DLG2: variants seen among roughly 807,000 people sequenced by gnomAD.
The protein encoded by DLG2 is discs large MAGUK scaffold protein 2.
DLG2 carries 45 observed loss-of-function variants against 132.5 expected under a neutral mutation model. That is an observed-to-expected ratio of 0.34 (90% CI 0.27 to 0.44). DLG2 has a LOEUF of 0.44. DLG2 is among the 20% of genes least tolerant of loss of function. The pLI is 1.00. For synonymous variants in DLG2, 424 were observed against 419.6 expected (o/e 1.01, Z -0.13); for missense variants, 1,045 against 1,196.9 (o/e 0.87, Z 1.87).
At chr11:83,726,413 C>T (rs2090006190) in intron 18 of DLG2, among the ~76,000 whole-genome samples, 1 of 152,134 alleles carries the variant, frequency 6.6e-6, no homozygotes, top group Admixed American at 6.5e-5. Context: ...CTTCCCTCCC[C>T]ACACAAAAAT....
intron 18 of DLG2, among the ~76,000 whole-genome samples, chr11:83,716,799 T>C (rs1274718256): frequency 6.6e-6 from 1 of 152,214 alleles, no homozygotes; most frequent in African/African-American, 2.4e-5. Flanking sequence ...GTATTTGGTT[T>C]TTTATAAGTC....
At position 85,119,958 on chromosome 11, in the gene DLG2, A is replaced by G. The variant is rs1417469562; in HGVS notation, c.283-8223T>C. 2.0e-5 allele frequency among the ~76,000 whole-genome samples: 3 copies of G among 152,112 alleles called. No homozygotes were observed. In the East Asian group the frequency reaches 5.8e-4, roughly 29 times the overall value. The stretch of plus-strand genomic sequence containing the variant: ...AAGAATTTTAAAAGTTGAGCTTTTG[A>G]TAAGACATAATTACAACCTATTAAA... On this transcript the variant is annotated intron_variant, in intron 5 of 27. Coordinates refer to ENST00000376104, the MANE Select transcript of DLG2 (RefSeq NM_001142699.3).
chr11:85,463,390 G>A (rs2092679669), intron 3 of DLG2, among the ~76,000 whole-genome samples: 1 of 152,114 alleles, frequency 6.6e-6, no homozygotes, highest in Non-Finnish European at 1.5e-5. Context: ...AAAACAGAAA[G>A]CATCAAAAGA....
At chr11:84,945,571 C>T (rs994280119) in intron 6 of DLG2, among the ~76,000 whole-genome samples, 21 of 152,188 alleles carry the variant, frequency 1.4e-4, no homozygotes, top group African/African-American at 4.1e-4. Context: ...TGGTTACCAC[C>T]GATGTTCCCT....
At chr11:84,008,771 G>T (rs1442088971) in intron 11 of DLG2, among the ~76,000 whole-genome samples, 1 of 151,818 alleles carries the variant, frequency 6.6e-6, no homozygotes, top group Non-Finnish European at 1.5e-5. Flanking sequence ...TTGGGTAGAG[G>T]TAAAACAAGG....
At chr11:83,690,326 G>C (rs2080757179) in intron 18 of DLG2, among the ~76,000 whole-genome samples, 1 of 151,208 alleles carries the variant, frequency 6.6e-6, no homozygotes, top group Non-Finnish European at 1.5e-5. Context: ...GCAACACTGG[G>C]ACAATAGAAA....
At chr11:83,824,416 C>T (rs1272522470) in intron 17 of DLG2, among the ~76,000 whole-genome samples, 1 of 152,086 alleles carries the variant, frequency 6.6e-6, no homozygotes, top group Non-Finnish European at 1.5e-5. Context: ...TTTCACGTTG[C>T]ATCCTTAGTG....
At chr11:83,478,758 A>G (rs1269503842) in intron 22 of DLG2, among the ~76,000 whole-genome samples, 1 of 152,052 alleles carries the variant, frequency 6.6e-6, no homozygotes, top group African/African-American at 2.4e-5. Flanking sequence ...ATGGAAGCAC[A>G]ACACTTGAAA....
chr11:85,045,132 T>C (rs1253502548), intron 6 of DLG2, among the ~76,000 whole-genome samples: 1 of 152,036 alleles, frequency 6.6e-6, no homozygotes, highest in African/African-American at 2.4e-5. Context: ...GCAGCTGGTC[T>C]CCAGTGCTCT....
intron 3 of DLG2, among the ~76,000 whole-genome samples, chr11:85,341,169 A>T (rs1405956668): frequency 1.3e-5 from 2 of 151,678 alleles, no homozygotes; most frequent in Non-Finnish European, 2.9e-5. Flanking sequence ...CCCAGGCTGG[A>T]GTGTAGTGGC....
intron 4 of DLG2, among the ~76,000 whole-genome samples, chr11:85,171,776 C>A (rs1230148663): frequency 6.6e-6 from 1 of 152,188 alleles, no homozygotes; most frequent in East Asian, 1.9e-4. Context: ...TTCTACCCTG[C>A]CAGCTCCAGG....
intron 7 of DLG2, among the ~76,000 whole-genome samples, chr11:84,331,458 A>AAAAAAAAT (rs2098458772): frequency 7.2e-6 from 1 of 139,132 alleles, no homozygotes; most frequent in Non-Finnish European, 1.5e-5. Flanking sequence ...AAAAAAAAAA[A>AAAAAAAAT]AAATAAATAA....
At chr11:83,816,679 A>G (rs2049033942) in intron 17 of DLG2, among the ~76,000 whole-genome samples, 1 of 152,192 alleles carries the variant, frequency 6.6e-6, no homozygotes, top group South Asian at 2.1e-4. Context: ...TACAGGTCCT[A>G]TAACTATCCC....
At chr11:85,096,218 C>G (rs1566838974) in intron 6 of DLG2, among the ~76,000 whole-genome samples, 1 of 152,184 alleles carries the variant, frequency 6.6e-6, no homozygotes, top group African/African-American at 2.4e-5. Context: ...CCCGCGCCAG[C>G]AGTGGCAACC....
At chr11:84,224,469 T>C (rs1384700255) in intron 8 of DLG2, among the ~76,000 whole-genome samples, 1 of 152,234 alleles carries the variant, frequency 6.6e-6, no homozygotes, top group Non-Finnish European at 1.5e-5. Context: ...CTTGCAGCTG[T>C]GTACATCATT....
intron 9 of DLG2, among the ~76,000 whole-genome samples, chr11:84,118,089 G>T (rs539077582): frequency 6.6e-6 from 1 of 151,932 alleles, no homozygotes; most frequent in Admixed American, 6.6e-5. Flanking sequence ...ACTCCTGACC[G>T]CAGGTGATCC....
At chr11:85,203,078 T>C (rs2081588744) in intron 4 of DLG2, among the ~76,000 whole-genome samples, 1 of 150,894 alleles carries the variant, frequency 6.6e-6, no homozygotes, top group Non-Finnish European at 1.5e-5. Flanking sequence ...TCTAAATAAA[T>C]ATCCCATAGG....
intron 6 of DLG2, among the ~76,000 whole-genome samples, chr11:84,556,097 A>T (rs2099411487): frequency 6.6e-6 from 1 of 152,154 alleles, no homozygotes; most frequent in Non-Finnish European, 1.5e-5. Context: ...ACCCTCCAAC[A>T]TCTTTTCTCA....
At chr11:83,645,859 T>C (rs1445188704) in intron 18 of DLG2, 1 of 152,100 alleles carries the variant, frequency 6.6e-6, no homozygotes, top group African/African-American at 2.4e-5. Context: ...CCATTGTTAT[T>C]TGCTGGAAAA....
Sources: gnomAD v4.1 joint callset for allele counts (sites outside exome capture counted in the v4.1 genomes callset) on GRCh38, gnomAD v4.1.1 for gene constraint, MANE v1.5 for transcripts, NCBI Gene and HGNC (gene_info 2026-07-23, HGNC 2026-07-21) for gene names.